The following MTTP variants were observed in gnomAD, a reference collection of about 807,000 sequenced individuals.
MTTP encodes microsomal triglyceride transfer protein.
A neutral mutation model predicts 90.6 loss-of-function variants in MTTP; 49 were observed. That is an observed-to-expected ratio of 0.54 (90% CI 0.43 to 0.69). MTTP has a LOEUF of 0.69. Among genes scored for constraint, MTTP ranks in the 30% least tolerant of loss-of-function variants. The pLI, the probability that MTTP is intolerant of heterozygous loss-of-function variation, is 0.00. For missense variants in MTTP, 945 were observed against 1,067.5 expected, an observed-to-expected ratio of 0.89 and a Z score of 1.60; for synonymous variants, 347 against 384.2, an observed-to-expected ratio of 0.90 and a Z score of 1.13.
At chr4:99,601,141 T>G (rs1183291480) in intron 9 of MTTP, among the ~76,000 whole-genome samples, 1 of 152,178 alleles carries the variant, frequency 6.6e-6, no homozygotes, top group African/African-American at 2.4e-5. Context: ...AGATTTATGT[T>G]GAAAACAAAA....
In MTTP at chr4:99,594,758, G is replaced by A. The variant is rs557746913; in HGVS notation, c.784G>A (p.Glu262Lys). Reference sequence around the variant, plus strand: ...GCAGAAATTAGAGCTGAAGACAACCGAAGCAGGCCCAAGATTGATGTCTGG... The same window carrying A: ...GCAGAAATTAGAGCTGAAGACAACCAAAGCAGGCCCAAGATTGATGTCTGG... ...SKQKLELKTTEAGPRLMSGKQ... is the reference protein window; with the variant it reads ...SKQKLELKTTKAGPRLMSGKQ... The change falls in exon 7 of 18, where the codon GAA (glutamate) becomes AAA (lysine). Residue 262 changes from glutamate to lysine, a missense_variant. Coordinates refer to ENST00000265517, the MANE Select transcript of MTTP (RefSeq NM_001386140.1). 5.5e-5 allele frequency: 88 copies of A among 1,614,010 alleles called. 1 individual carries two copies. In the South Asian group the frequency reaches 8.3e-4, roughly 15 times the overall value.
chr4:99,584,223 T>C (rs1725200371), intron 3 of MTTP: 1 of 152,116 alleles, frequency 6.6e-6, no homozygotes, highest in African/African-American at 2.4e-5. Context: ...AGGCATTACA[T>C]ATTTGTGTTT....
chr4:99,596,060 C>A (rs1025900870), intron 7 of MTTP, among the ~76,000 whole-genome samples: 1 of 151,954 alleles, frequency 6.6e-6, no homozygotes, highest in African/African-American at 2.4e-5. Flanking sequence ...AAAACAAAAA[C>A]ACCTGAATTC....
chr4:99,581,795 G>A lies in MTTP; in HGVS notation c.62-110G>A, dbSNP rs1044965450. 2.3e-5 allele frequency: 25 copies of A among 1,095,086 alleles called. 1 individual carries two copies. The highest frequency in any genetic ancestry group is 2.9e-5 in the Non-Finnish European group (21 of 714,854). 67.8% of individuals were successfully genotyped at this position (1,095,086 alleles called of 1,614,324 possible). A position where few individuals can be genotyped will look rare whatever the true frequency, so the allele number is the denominator to read the frequency against. ...GAAGTAGCACCATGTTTCAATCAGC[G>A]AATATTTACCAAGCTTCCTGAGCCC... is the stretch of plus-strand genomic sequence containing the variant. On this transcript the variant is annotated intron_variant, in intron 1 of 17. Transcript: ENST00000265517.
intron 1 of MTTP, among the ~76,000 whole-genome samples, chr4:99,568,853 A>G (rs1361377398): frequency 4.6e-5 from 7 of 152,160 alleles, no homozygotes; most frequent in Admixed American, 4.6e-4. Context: ...GTATAAATTA[A>G]ATATCCACAA....
rs41275709 is a variant in MTTP, at chr4:99,596,881, A to G, written c.910-186A>G. Among the ~76,000 whole-genome samples the G allele has an allele frequency of 4.1e-4, 63 of 152,322 alleles. 1 individual carries two copies. Among genetic ancestry groups the G allele is most frequent in the Non-Finnish European group, 6.8e-4 (46 of 68,020 alleles). The stretch of plus-strand genomic sequence containing the variant: ...CAGTCCTCCTATAGAGGAATGGTTC[A>G]CAGAGTGGATGGAAGTCCCAGGGGT... On this transcript the variant is annotated intron_variant, in intron 7 of 17. Transcript: ENST00000265517.
chr4:99,580,957 T>C lies in MTTP; in HGVS notation c.62-948T>C, dbSNP rs372493863. ...CCTTTTCTGTCCCTCTCCCCATATG[T>C]ATATTTCCTGAGAGAAAAAAAGATT... On this transcript the variant is annotated intron_variant, in intron 1 of 17. Coordinates refer to ENST00000265517, the MANE Select transcript of MTTP (RefSeq NM_001386140.1). Among the ~76,000 whole-genome samples the C allele has an allele frequency of 1.1e-4, 17 of 152,290 alleles. 1 individual carries two copies. Among genetic ancestry groups the C allele is most frequent in the African/African-American group, 3.8e-4 (16 of 41,566 alleles).
intron 8 of MTTP, among the ~76,000 whole-genome samples, chr4:99,598,681 T>TTTTTTTG (rs58739885): frequency 7.6e-6 from 1 of 132,260 alleles, no homozygotes; most frequent in African/African-American, 3.0e-5. Context: ...TTTTTTTTTT[T>TTTTTTTG]AGACAGTGTT....
intron 6 of MTTP, among the ~76,000 whole-genome samples, chr4:99,593,922 CATA>C (rs1400435730): frequency 1.1e-4 from 16 of 152,160 alleles, no homozygotes; most frequent in African/African-American, 3.9e-4. Flanking sequence ...TGTTCTCTGT[CATA>C]ATTTACAGGC....
intron 1 of MTTP, among the ~76,000 whole-genome samples, chr4:99,567,379 A>G (rs1307292785): frequency 6.6e-6 from 1 of 152,186 alleles, no homozygotes; most frequent in Non-Finnish European, 1.5e-5. Flanking sequence ...GAAGGAGCAA[A>G]CCCAACTTAA....
chr4:99,622,283 G>A (rs1398890167), intron 17 of MTTP, among the ~76,000 whole-genome samples: 1 of 152,090 alleles, frequency 6.6e-6, no homozygotes, highest in African/African-American at 2.4e-5. Flanking sequence ...CTCTTAGAAT[G>A]TTTCTCTGTC....
chr4:99,603,224 T>A (rs1461259894), intron 10 of MTTP, among the ~76,000 whole-genome samples: 1 of 152,032 alleles, frequency 6.6e-6, no homozygotes, highest in Non-Finnish European at 1.5e-5. Context: ...TGGGGGCAGA[T>A]AAGTGACAGT....
chr4:99,583,395 A>C lies in MTTP; in HGVS notation c.271A>C (p.Asn91His). The C allele has an allele frequency of 6.2e-7, 1 of 1,613,190 alleles. No homozygotes were observed. Among genetic ancestry groups the C allele is most frequent in the Non-Finnish European group, 8.5e-7 (1 of 1,179,674 alleles). The change falls in exon 3 of 18, where the codon AAT (asparagine) becomes CAT (histidine). Residue 91 changes from asparagine (N) to histidine (H), a missense_variant. Asn to His is a moderately conservative substitution (Grantham distance 68, BLOSUM62 1). Coordinates refer to ENST00000265517, the MANE Select transcript of MTTP (RefSeq NM_001386140.1). ...CCAGATGAAGGATGTAAATGTTGAA[A>C]ATGTGAATCAGCAGAGAGGAGAGAA... ...QITMKDVNVE[N>H]VNQQRGEKSI...
intron 10 of MTTP, among the ~76,000 whole-genome samples, chr4:99,605,190 G>C (rs113773338): frequency 6.6e-6 from 1 of 151,880 alleles, no homozygotes; most frequent in African/African-American, 2.4e-5. Context: ...ATCGCTTCTC[G>C]ATGCTTTTCC....
In MTTP at chr4:99,600,606, A is replaced by T. The variant is rs764946610; in HGVS notation, c.1109A>T (p.Asp370Val). The T allele has an allele frequency of 1.9e-6, 3 of 1,613,520 alleles. No individual in the cohort carries two copies. Among genetic ancestry groups the T allele is most frequent in the South Asian group, 1.1e-5 (1 of 91,068 alleles). ...GCTGTCACCTCTGCTCAGACCTCAG[A>T]CTCATTAGAAGCCATTTTGGACTTT... The part of the protein sequence containing the change: ...VDAVTSAQTS[D>V]SLEAILDFLD... Residue 370 changes from aspartate (D) to valine (V), a missense_variant, in exon 9 of 18, where the codon GAC (aspartate) becomes GTC (valine). By Grantham distance (152) the Asp-to-Val change is radical (BLOSUM62 -3). Coordinates refer to ENST00000265517, the MANE Select transcript of MTTP (RefSeq NM_001386140.1).
At chr4:99,618,418 G>A (rs1219499430) in intron 15 of MTTP, among the ~76,000 whole-genome samples, 1 of 152,164 alleles carries the variant, frequency 6.6e-6, no homozygotes, top group Non-Finnish European at 1.5e-5. Context: ...GACCTCGAGA[G>A]ATCACCTGAT....
At chr4:99,600,453 A>G (rs1307256286) in intron 8 of MTTP, 112 bp from the exon 9 acceptor site, 6 of 1,114,602 alleles carry the variant, frequency 5.4e-6, no homozygotes, top group South Asian at 1.3e-5. Flanking sequence ...AAATTAAAAA[A>G]AAAATCACTT....
chr4:99,585,245 T>C lies in MTTP; in HGVS notation c.393+1728T>C, dbSNP rs977200543. 5.3e-5 allele frequency among the ~76,000 whole-genome samples: 8 copies of C among 152,274 alleles called. 1 individual carries two copies. The South Asian group carries it at 1.7e-3, about 32-fold the overall frequency. ...GACTAAAGGCATTACACGAACTGTC[T>C]CTTTTATTCTTGTAATGGCCCTGAG... On this transcript the variant is annotated intron_variant, in intron 3 of 17. Transcript: ENST00000265517.
chr4:99,594,882 C>A lies in MTTP; in HGVS notation c.908C>A (p.Ser303Tyr), dbSNP rs1353634930. Residue 303 changes from serine to tyrosine, a missense_variant and splice_region_variant, in exon 7 of 18, where the codon TCT becomes TAT. Coordinates refer to ENST00000265517, the MANE Select transcript of MTTP (RefSeq NM_001386140.1). Reference sequence around the variant, plus strand: ...CAGAGCCACTGTAAAGGATGTCCTTCTGTAAGTGCAGACAAATATGGGAAT... The same window carrying A: ...CAGAGCCACTGTAAAGGATGTCCTTATGTAAGTGCAGACAAATATGGGAAT... Reference protein sequence around the residue: ...VFQSHCKGCPSLSELWRSTRK... With the variant: ...VFQSHCKGCPYLSELWRSTRK... 6.2e-7 allele frequency: 1 copy of A among 1,613,748 alleles called. No individual in the cohort carries two copies. The highest frequency in any genetic ancestry group is 1.1e-5 in the South Asian group (1 of 91,084).
Sources: allele counts gnomAD v4.1 joint callset (sites outside exome capture counted in the v4.1 genomes callset), GRCh38; gene constraint gnomAD v4.1.1; transcripts MANE v1.5; gene names NCBI Gene and HGNC (gene_info 2026-07-23, HGNC 2026-07-21).